ZNF609: variants seen among roughly 807,000 people sequenced by gnomAD.
ZNF609 encodes the protein zinc finger protein 609.
ZNF609 carries 11 observed loss-of-function variants against 109.5 expected under a neutral mutation model. The observed-to-expected ratio is 0.10, with a 90% CI of 0.06 to 0.17. The LOEUF is 0.17. ZNF609 is among the 10% of genes least tolerant of loss of function. The probability of loss-of-function intolerance (pLI) is 1.00; values close to 1 mark genes in which losing one functional copy is unlikely to be tolerated. For synonymous variants in ZNF609, 646 were observed against 662.0 expected, an observed-to-expected ratio of 0.98 and a Z score of 0.37; for missense variants, 1,559 against 1,772.4, an observed-to-expected ratio of 0.88 and a Z score of 2.16.
chr15:64,652,234 G>A (rs1812759173), intron 3 of ZNF609, among the ~76,000 whole-genome samples: 1 of 152,070 alleles, frequency 6.6e-6, no homozygotes, highest in South Asian at 2.1e-4. Flanking sequence ...ATGTTGGCCA[G>A]GCTGGTCTCC....
At position 64,548,760 on chromosome 15, in the gene ZNF609, T is replaced by G. The variant is rs77956124; in HGVS notation, c.747+48594T>G. On this transcript the variant is annotated intron_variant, in intron 2 of 9. Transcript: ENST00000326648. Reference sequence around the variant, plus strand: ...CTGGGCAACAGAACAAGATCCTGTCTTTAAAAAAAAGAAAGAAAGAATAAT... The same window carrying G: ...CTGGGCAACAGAACAAGATCCTGTCGTTAAAAAAAAGAAAGAAAGAATAAT... Among the ~76,000 whole-genome samples the G allele has an allele frequency of 6.3e-3, 952 of 152,254 alleles. 8 individuals carry two copies. The highest frequency in any genetic ancestry group is 9.8e-3 in the Non-Finnish European group (665 of 68,028).
Position 64,674,793 on chromosome 15 carries a change from A to G in ZNF609, c.1939A>G (p.Lys647Glu), listed in dbSNP as rs1204365833. The G allele has an allele frequency of 6.2e-7, 1 of 1,614,044 alleles. No homozygotes were observed. The highest frequency in any genetic ancestry group is 8.5e-7 in the Non-Finnish European group (1 of 1,179,992). Reference sequence around the variant, plus strand: ...AAAACCCTCTAGTTTAAAACCTGAAAAGATTCCTTCCAAGAGCCTAAAGTC... The same window carrying G: ...AAAACCCTCTAGTTTAAAACCTGAAGAGATTCCTTCCAAGAGCCTAAAGTC... ...CKKPSSLKPE[K>E]IPSKSLKSAR... The change falls in exon 5 of 10, where the codon AAG becomes GAG. Residue 647 changes from lysine to glutamate, a missense_variant. This residue lies in a region of ZNF609 where 1,204 missense variants were observed against 1,314.1 expected (regional missense o/e 0.92). Transcript: ENST00000326648.
intron 1 of ZNF609, among the ~76,000 whole-genome samples, chr15:64,470,950 G>A (rs1893083005): frequency 6.6e-6 from 1 of 152,206 alleles, no homozygotes; most frequent in Admixed American, 6.5e-5. Flanking sequence ...AATACTTATT[G>A]AATAGTAAGA....
intron 3 of ZNF609, among the ~76,000 whole-genome samples, chr15:64,646,930 ACT>A (rs1413864535): frequency 8.1e-5 from 10 of 123,132 alleles, no homozygotes; most frequent in African/African-American, 3.0e-4. Context: ...ACAGAGGGAG[ACT>A]CTGTCTCAAA....
intron 2 of ZNF609, among the ~76,000 whole-genome samples, chr15:64,551,545 G>A (rs187399389): frequency 6.6e-5 from 10 of 151,560 alleles, no homozygotes; most frequent in Admixed American, 2.6e-4. Flanking sequence ...CCAGCTACTC[G>A]GGAGGCTGAG....
intron 2 of ZNF609, among the ~76,000 whole-genome samples, chr15:64,565,006 C>T (rs958515761): frequency 3.4e-4 from 52 of 151,516 alleles, no homozygotes; most frequent in Non-Finnish European, 6.2e-4. Flanking sequence ...TGCCACCACG[C>T]CTGGCTAATT....
Position 64,670,450 on chromosome 15 carries a change from A to G in ZNF609, c.1061+17A>G, listed in dbSNP as rs777295986. The G allele has an allele frequency of 1.9e-6, 3 of 1,604,282 alleles. No homozygotes were observed. Among genetic ancestry groups the G allele is most frequent in the East Asian group, 2.2e-5 (1 of 44,846 alleles). ...ACCCCCAAGGTAAGCACTTACAGCT[A>G]TTTAGTTTATATTATTCTGAACCAC... is the stretch of plus-strand genomic sequence containing the variant. On this transcript the variant is annotated intron_variant, in intron 4 of 9. Transcript: ENST00000326648.
At chr15:64,634,494 T>C (rs960291858) in intron 3 of ZNF609, among the ~76,000 whole-genome samples, 1 of 152,184 alleles carries the variant, frequency 6.6e-6, no homozygotes, top group Non-Finnish European at 1.5e-5. Flanking sequence ...ACTCTTGGTT[T>C]TTCCTGTGTG....
At chr15:64,463,424 G>A (rs574944104) in intron 1 of ZNF609, among the ~76,000 whole-genome samples, 1 of 151,740 alleles carries the variant, frequency 6.6e-6, no homozygotes, top group Admixed American at 6.6e-5. Context: ...AAAATTTGGG[G>A]CCTGGAAAAG....
chr15:64,678,865 G>C lies in ZNF609; in HGVS notation c.3769+383G>C, dbSNP rs1567046590. The stretch of plus-strand genomic sequence containing the variant: ...GAGGTACAAAAGAAGTAGAGCCATT[G>C]AGTTCCTTCCACTCCCGGAGCTTAC... On this transcript the variant is annotated intron_variant, in intron 6 of 9. Coordinates refer to ENST00000326648, the MANE Select transcript of ZNF609 (RefSeq NM_015042.2). Among the ~76,000 whole-genome samples the C allele has an allele frequency of 2.6e-5, 4 of 152,330 alleles. No homozygotes were observed. In the South Asian group the frequency reaches 6.2e-4, roughly 24 times the overall value.
chr15:64,680,429 A>T (rs1896867332), intron 7 of ZNF609, 69 bp downstream of exon 7: 4 of 1,575,210 alleles, frequency 2.5e-6, no homozygotes, highest in Non-Finnish European at 3.5e-6. Flanking sequence ...GTCTGGGAGA[A>T]GGTGGGCAAG....
At chr15:64,591,582 A>C (rs945393087) in intron 2 of ZNF609, among the ~76,000 whole-genome samples, 2 of 151,984 alleles carry the variant, frequency 1.3e-5, no homozygotes, top group Admixed American at 6.5e-5. Context: ...AAACAGGTGC[A>C]AAGATATTTC....
At chr15:64,607,802 G>GCCTTAAAT (rs1456028081) in intron 2 of ZNF609, among the ~76,000 whole-genome samples, 11 of 145,962 alleles carry the variant, frequency 7.5e-5, no homozygotes, top group African/African-American at 2.8e-4. Flanking sequence ...ACTGCACCTG[G>GCCTTAAAT]CCTTAAATGT....
At chr15:64,679,107 T>C (rs536307776) in intron 6 of ZNF609, among the ~76,000 whole-genome samples, 22 of 152,220 alleles carry the variant, frequency 1.4e-4, no homozygotes, top group Non-Finnish European at 2.8e-4. Context: ...AATTTCACTC[T>C]TGTTGCACAG....
At chr15:64,593,097 T>C (rs920307830) in intron 2 of ZNF609, 10 of 1,594,404 alleles carry the variant, frequency 6.3e-6, no homozygotes, top group Non-Finnish European at 8.5e-6. Flanking sequence ...AAGAAATTCG[T>C]CATTCGAAAC....
At position 64,460,678 on chromosome 15, in the gene ZNF609, A is replaced by G. The variant is rs1201086672; in HGVS notation, c.-288A>G. On this transcript the variant is annotated 5_prime_UTR_variant, in exon 1 of 10. Coordinates refer to ENST00000326648, the MANE Select transcript of ZNF609 (RefSeq NM_015042.2). ...CCGGGCGGGGCGGAGAGGCGCGGGG[A>G]GGGGGCAGAGAGCCAGAGCCGGAGC... The G allele has an allele frequency of 4.2e-5, 2 of 47,722 alleles. No individual in the cohort carries two copies. The highest frequency in any genetic ancestry group is 7.6e-5 in the Non-Finnish European group (2 of 26,392). 3.0% of individuals were successfully genotyped at this position (47,722 alleles called of 1,614,324 possible).
chr15:64,614,280 G>A (rs1478670469), intron 2 of ZNF609, among the ~76,000 whole-genome samples: 4 of 151,132 alleles, frequency 2.6e-5, no homozygotes, highest in African/African-American at 9.7e-5. Context: ...GCCCAGGCTG[G>A]AGTGCAGTGG....
At chr15:64,566,054 G>C (rs1894771947) in intron 2 of ZNF609, among the ~76,000 whole-genome samples, 1 of 151,990 alleles carries the variant, frequency 6.6e-6, no homozygotes, top group Admixed American at 6.6e-5. Context: ...CTCACTGTGT[G>C]GGCCAGGCTG....
At position 64,576,954 on chromosome 15, in the gene ZNF609, ATG is replaced by A. The variant is rs1555420367; in HGVS notation, c.748-45871_748-45870del. 2.1e-5 allele frequency among the ~76,000 whole-genome samples: 3 copies of A among 142,288 alleles called. 1 individual carries two copies. The highest frequency in any genetic ancestry group is 5.2e-5 in the African/African-American group (2 of 38,780). The allele number at this position is 142,288 out of a possible 152,430, so 93.3% of individuals were successfully genotyped here. ...TATATACATATAAATATATACATAT[ATG>A]TATATATACACATAAATATATATAT... On this transcript the variant is annotated intron_variant, in intron 2 of 9. Coordinates refer to ENST00000326648, the MANE Select transcript of ZNF609 (RefSeq NM_015042.2).
Sources: gnomAD v4.1 joint callset for allele counts (sites outside exome capture counted in the v4.1 genomes callset) on GRCh38, gnomAD v4.1.1 for gene constraint, gnomAD v4.1.1 regional missense constraint, MANE v1.5 for transcripts, NCBI Gene and HGNC (gene_info 2026-07-23, HGNC 2026-07-21) for gene names.